The following FAM219B variants were observed in gnomAD, a reference collection of about 807,000 sequenced individuals.
FAM219B encodes the protein protein FAM219B.
A neutral mutation model predicts 19.9 loss-of-function variants in FAM219B; 18 were observed. The observed-to-expected ratio is 0.91, with a 90% CI of 0.63 to 1.34. The LOEUF (loss-of-function observed/expected upper bound fraction) is 1.34. Ranked by LOEUF, FAM219B falls within the 40% of genes most tolerant of loss-of-function variation. The pLI, the probability that FAM219B is intolerant of heterozygous loss-of-function variation, is 0.00. For synonymous variants in FAM219B, 123 were observed against 117.5 expected (o/e 1.05, Z -0.30); for missense variants, 283 against 270.5 (o/e 1.05, Z -0.32).
At chr15:74,904,900 A>C in intron 3 of FAM219B, 188 bp from the exon 4 acceptor site, 2 of 1,458,158 alleles carry the variant, frequency 1.4e-6, no homozygotes, top group South Asian at 2.4e-5. Context: ...GGACAGGGTC[A>C]CTCTCACTAA....
chr15:74,903,120 A>G (rs1472279631), intron 4 of FAM219B, among the ~76,000 whole-genome samples: 1 of 152,228 alleles, frequency 6.6e-6, no homozygotes, highest in Non-Finnish European at 1.5e-5. Context: ...ACTAGTCCCT[A>G]TCAAAGCTGA....
chr15:74,906,844 G>T lies in FAM219B; in HGVS notation c.-44C>A. The T allele has an allele frequency of 8.1e-7, 1 of 1,236,750 alleles. No homozygotes were observed. The highest frequency in any genetic ancestry group is 3.2e-5 in the East Asian group (1 of 31,506). The allele number at this position is 1,236,750 out of a possible 1,614,324, so 76.6% of individuals were successfully genotyped here. On this transcript the variant is annotated 5_prime_UTR_variant, in exon 1 of 5. Transcript: ENST00000357635. Reference sequence around the variant, plus strand: ...CGGATGGTGCAACCCCGCCCGTGGCGAAAGAGTGACCGGCCGAGGGAGAGG... The same window carrying T: ...CGGATGGTGCAACCCCGCCCGTGGCTAAAGAGTGACCGGCCGAGGGAGAGG...
At position 74,902,551 on chromosome 15, in the gene FAM219B, G is replaced by C. The variant is rs1178699317; in HGVS notation, c.*68C>G. On this transcript the variant is annotated 3_prime_UTR_variant, in exon 5 of 5. Transcript: ENST00000357635. ...GACTTCAGTGCTCACTGCACTGTGT[G>C]AGCTATGAGTGGCCAACAGGGCTCT... 6.0e-6 allele frequency: 9 copies of C among 1,491,634 alleles called. No homozygotes were observed. The highest frequency in any genetic ancestry group is 8.1e-6 in the Non-Finnish European group (9 of 1,110,710). 92.4% of individuals were successfully genotyped at this position (1,491,634 alleles called of 1,614,324 possible). A position where few individuals can be genotyped will look rare whatever the true frequency, so the allele number is the denominator to read the frequency against.
At position 74,901,756 on chromosome 15, in the gene FAM219B, G is replaced by A. The variant is rs141057857; in HGVS notation, c.*863C>T. 38 of 216,096 alleles carry A rather than the reference G, an allele frequency of 1.8e-4. No homozygotes were observed. The East Asian group carries it at 3.6e-3, about 21-fold the overall frequency. The allele number at this position is 216,096 out of a possible 1,614,324, so 13.4% of individuals were successfully genotyped here. A position where few individuals can be genotyped will look rare whatever the true frequency, so the allele number is the denominator to read the frequency against. ...ATAGGAAGGCACCGGACTGCTCCCT[G>A]TAGCTCCCTCTGCTGGTAATAATAA... On this transcript the variant is annotated 3_prime_UTR_variant, in exon 5 of 5. Transcript: ENST00000357635.
At chr15:74,905,514 A>G (rs995707383) in intron 2 of FAM219B, 36 of 322,348 alleles carry the variant, frequency 1.1e-4, no homozygotes, top group South Asian at 1.0e-3. Flanking sequence ...ATCTCCGCCT[A>G]CCATGCTCAA....
rs1438222352 is a variant in FAM219B at position 74,902,769 on chromosome 15, C to T, written c.447G>A (p.Val149=). The change falls in exon 5 of 5, where the codon GTG becomes GTA. Residue 149 remains valine, a synonymous_variant. Transcript: ENST00000357635. Reference sequence around the variant, plus strand: ...ACCCATCCTGAAGCAGCTGCCGGCTCACATCCTGGTTCACCTGCTAAGAGA... The same window carrying T: ...ACCCATCCTGAAGCAGCTGCCGGCTTACATCCTGGTTCACCTGCTAAGAGA... ...YSSAEQVNQD[V]SRQLLQDGYH... The T allele has an allele frequency of 2.5e-6, 4 of 1,610,100 alleles. No individual in the cohort carries two copies. The African/African-American group carries it at 5.3e-5, about 22-fold the overall frequency.
Position 74,900,211 on chromosome 15 carries a change from A to G in FAM219B, c.*2408T>C, listed in dbSNP as rs1265117668. On this transcript the variant is annotated 3_prime_UTR_variant, in exon 5 of 5. Transcript: ENST00000357635. Reference sequence around the variant, plus strand: ...ATTGGTGGTATTTTGGTATGTGGCCACTGGCCCTAAACAACTGACCATTTC... The same window carrying G: ...ATTGGTGGTATTTTGGTATGTGGCCGCTGGCCCTAAACAACTGACCATTTC... 3 of 152,264 alleles carry G rather than the reference A, an allele frequency of 2.0e-5. No homozygotes were observed. Among genetic ancestry groups the G allele is most frequent in the Admixed American group, 2.0e-4 (3 of 15,274 alleles). 9.4% of individuals were successfully genotyped at this position (152,264 alleles called of 1,614,324 possible). A position where few individuals can be genotyped will look rare whatever the true frequency, so the allele number is the denominator to read the frequency against.
At position 74,902,140 on chromosome 15, in the gene FAM219B, T is replaced by C. The variant is rs917396698; in HGVS notation, c.*479A>G. 22 of 398,748 alleles carry C rather than the reference T, an allele frequency of 5.5e-5. No homozygotes were observed. Among genetic ancestry groups the C allele is most frequent in the African/African-American group, 3.5e-4 (17 of 48,782 alleles). The allele number at this position is 398,748 out of a possible 1,614,324, so 24.7% of individuals were successfully genotyped here. Reference sequence around the variant, plus strand: ...CAAACCATCTTAGAGCTAGGAAGAATAGAGCAAACGGAATTTCTCGAACTG... The same window carrying C: ...CAAACCATCTTAGAGCTAGGAAGAACAGAGCAAACGGAATTTCTCGAACTG... On this transcript the variant is annotated 3_prime_UTR_variant, in exon 5 of 5. Coordinates refer to ENST00000357635, the MANE Select transcript of FAM219B (RefSeq NM_020447.5).
Position 74,902,633 on chromosome 15 carries a change from A to C in FAM219B, c.583T>G (p.Cys195Gly). ...CWCCLGDSSS[C>G]TLQ ...GAGGGTAATGTCTACTGGAGGGTAC[A>C]GGAAGAAGAGTCCCCAAGACAGCAC... The change falls in exon 5 of 5, where the codon TGT becomes GGT. Residue 195 changes from cysteine to glycine, a missense_variant. Transcript: ENST00000357635. 2.5e-6 allele frequency: 4 copies of C among 1,610,582 alleles called. No individual in the cohort carries two copies. The highest frequency in any genetic ancestry group is 2.5e-6 in the Non-Finnish European group (3 of 1,178,284).
Position 74,902,415 on chromosome 15 carries a change from A to G in FAM219B, c.*204T>C. ...TGACTTCTCCAAACTCTGCTCCAACAGCAGAGGAAAACTACAGAATTCTAC... is the reference window on the plus strand; with the variant it reads ...TGACTTCTCCAAACTCTGCTCCAACGGCAGAGGAAAACTACAGAATTCTAC... On this transcript the variant is annotated 3_prime_UTR_variant, in exon 5 of 5. Coordinates refer to ENST00000357635, the MANE Select transcript of FAM219B (RefSeq NM_020447.5). 4.7e-6 allele frequency: 2 copies of G among 429,300 alleles called. No individual in the cohort carries two copies. 26.6% of individuals were successfully genotyped at this position (429,300 alleles called of 1,614,324 possible). A position where few individuals can be genotyped will look rare whatever the true frequency, so the allele number is the denominator to read the frequency against.
In FAM219B at chr15:74,901,901, G is replaced by A. The variant is rs1595834321; in HGVS notation, c.*718C>T. ...AATAAATAAATATGAACATGTCAGA[G>A]CAGTTTTTCTCTAACTAGGGAAGGG... On this transcript the variant is annotated 3_prime_UTR_variant, in exon 5 of 5. Coordinates refer to ENST00000357635, the MANE Select transcript of FAM219B (RefSeq NM_020447.5). The A allele has an allele frequency of 2.6e-6, 1 of 391,796 alleles. No homozygotes were observed. The highest frequency in any genetic ancestry group is 2.1e-5 in the African/African-American group (1 of 48,546). 24.3% of individuals were successfully genotyped at this position (391,796 alleles called of 1,614,324 possible).
At position 74,900,262 on chromosome 15, in the gene FAM219B, C is replaced by A. The variant is rs2064898542; in HGVS notation, c.*2357G>T. 1 of 152,294 alleles carries A rather than the reference C, an allele frequency of 6.6e-6. No individual in the cohort carries two copies. The highest frequency in any genetic ancestry group is 2.4e-5 in the African/African-American group (1 of 41,452). 9.4% of individuals were successfully genotyped at this position (152,294 alleles called of 1,614,324 possible). ...TACCCTGCCTCACTGCACTGTCCCA[C>A]CAGGTCCCTCCAGCTTTTTCTACAA... On this transcript the variant is annotated 3_prime_UTR_variant, in exon 5 of 5. Transcript: ENST00000357635.
intron 3 of FAM219B, 49 bp downstream of exon 3, chr15:74,905,105 T>G (rs2065130110): frequency 1.9e-6 from 3 of 1,612,724 alleles, no homozygotes; most frequent in African/African-American, 1.3e-5. Flanking sequence ...CGATCTTCAG[T>G]CCCAGCCAAG....
Position 74,901,024 on chromosome 15 carries a change from GAA to G in FAM219B, c.*1593_*1594del, listed in dbSNP as rs1242030039. On this transcript the variant is annotated 3_prime_UTR_variant, in exon 5 of 5. Transcript: ENST00000357635. Reference sequence around the variant, plus strand: ...TTCTAGTCACCCCTTGTGGTAGAGCGAAAAGAGTGTGTTGTCCCTCTCATGCC... The same window carrying G: ...TTCTAGTCACCCCTTGTGGTAGAGCGAAGAGTGTGTTGTCCCTCTCATGCC... 2 of 152,226 alleles carry G rather than the reference GAA, an allele frequency of 1.3e-5. No homozygotes were observed. Among genetic ancestry groups the G allele is most frequent in the East Asian group, 3.8e-4 (2 of 5,202 alleles). The allele number at this position is 152,226 out of a possible 1,614,324, so 9.4% of individuals were successfully genotyped here.
chr15:74,906,187 T>C, intron 2 of FAM219B, 91 bp downstream of exon 2: 3 of 1,360,170 alleles, frequency 2.2e-6, no homozygotes, highest in Non-Finnish European at 3.0e-6. Flanking sequence ...AATCGCTAGC[T>C]CGGCCTTAAA....
rs2064975454 is a variant in FAM219B, at chr15:74,901,905, T to C, written c.*714A>G. 2.5e-6 allele frequency: 1 copy of C among 392,510 alleles called. No homozygotes were observed. The highest frequency in any genetic ancestry group is 3.6e-5 in the East Asian group (1 of 27,674). The allele number at this position is 392,510 out of a possible 1,614,324, so 24.3% of individuals were successfully genotyped here. On this transcript the variant is annotated 3_prime_UTR_variant, in exon 5 of 5. Transcript: ENST00000357635. ...AATAAATATGAACATGTCAGAGCAG[T>C]TTTTCTCTAACTAGGGAAGGGCAAA... is the stretch of plus-strand genomic sequence containing the variant.
intron 4 of FAM219B, 85 bp from the exon 5 acceptor site, chr15:74,902,871 CCA>C: frequency 6.8e-7 from 1 of 1,478,544 alleles, no homozygotes; most frequent in Non-Finnish European, 9.1e-7. Context: ...CATTCCGTTA[CCA>C]GGGCTTCCTG....
At chr15:74,906,463 G>A (rs1268955907) in intron 1 of FAM219B, 98 bp from the exon 2 acceptor site, 18 of 1,536,034 alleles carry the variant, frequency 1.2e-5, no homozygotes, top group East Asian at 7.3e-5. Flanking sequence ...TTTGAGGGGC[G>A]AGAGCAGGCT....
Position 74,902,723 on chromosome 15 carries a change from CT to C in FAM219B, c.492del (p.Asp165MetfsTer62). 6.2e-7 allele frequency: 1 copy of C among 1,613,000 alleles called. No individual in the cohort carries two copies. Among genetic ancestry groups the C allele is most frequent in the Non-Finnish European group, 8.5e-7 (1 of 1,179,512 alleles). Reference sequence around the variant, plus strand: ...GGGATGAGGTCCAAGTCCTCGTCATCTGGAATCTCATCCAGGTGATACCCAT... The same window carrying C: ...GGGATGAGGTCCAAGTCCTCGTCATCGGAATCTCATCCAGGTGATACCCAT... Reference protein sequence around the residue: ...LQDGYHLDEIPDDEDLDLIPP... With the variant: ...LQDGYHLDEIXDDEDLDLIPP... On this transcript the variant is annotated frameshift_variant, in exon 5 of 5. Transcript: ENST00000357635. LOFTEE classifies it high-confidence loss of function.
Sources: gnomAD v4.1 joint callset for allele counts (sites outside exome capture counted in the v4.1 genomes callset) on GRCh38, gnomAD v4.1.1 for gene constraint, MANE v1.5 for transcripts, NCBI Gene and HGNC (gene_info 2026-07-23, HGNC 2026-07-21) for gene names.